ASIC2: variants seen among roughly 807,000 people sequenced by gnomAD.
ASIC2 encodes acid-sensing ion channel 2.
In ASIC2, 25 loss-of-function variants were observed where a neutral mutation model predicts 57.3. The observed-to-expected ratio is 0.44, with a 90% CI of 0.32 to 0.61. The LOEUF (loss-of-function observed/expected upper bound fraction) is 0.61, where lower values mean the gene tolerates loss of function less well. Ranked by LOEUF, ASIC2 falls within the 20% of genes least tolerant of loss-of-function variation. The pLI is 0.06. For missense variants in ASIC2, 641 were observed against 738.1 expected (o/e 0.87, Z 1.52); for synonymous variants, 319 against 307.5 (o/e 1.04, Z -0.39).
chr17:33,376,201 G>A (rs777637299), intron 1 of ASIC2, among the ~76,000 whole-genome samples: 1 of 152,044 alleles, frequency 6.6e-6, no homozygotes, highest in Admixed American at 6.5e-5. Flanking sequence ...GATTGAGAAG[G>A]AGTGGCCAGT....
intron 1 of ASIC2, among the ~76,000 whole-genome samples, chr17:34,063,734 C>T (rs1466073686): frequency 1.3e-5 from 2 of 151,694 alleles, no homozygotes; most frequent in Admixed American, 6.6e-5. Context: ...AGCAACCAAG[C>T]AGAGAACCAA....
intron 1 of ASIC2, among the ~76,000 whole-genome samples, chr17:33,576,298 C>G (rs757450254): frequency 8.4e-4 from 128 of 152,264 alleles, no homozygotes; most frequent in African/African-American, 3.0e-3. Flanking sequence ...AGTTCAAATC[C>G]TGTTTCTAGC....
At chr17:33,574,505 G>C (rs181643025) in intron 1 of ASIC2, among the ~76,000 whole-genome samples, 53 of 152,232 alleles carry the variant, frequency 3.5e-4, no homozygotes, top group Admixed American at 3.3e-3. Flanking sequence ...TGCTGTGATT[G>C]AAGGATCTTA....
At chr17:33,275,662 T>A (rs1004519493) in intron 1 of ASIC2, among the ~76,000 whole-genome samples, 2 of 152,180 alleles carry the variant, frequency 1.3e-5, no homozygotes, top group African/African-American at 4.8e-5. Context: ...AAATGGAGAA[T>A]GGACGTGAAA....
chr17:33,361,881 A>G (rs1045288857), intron 1 of ASIC2, among the ~76,000 whole-genome samples: 2 of 152,180 alleles, frequency 1.3e-5, no homozygotes, highest in Non-Finnish European at 2.9e-5. Flanking sequence ...TGTATCTGGC[A>G]TCTCCAGTGG....
chr17:33,801,173 G>T (rs1013341256), intron 1 of ASIC2, among the ~76,000 whole-genome samples: 14 of 152,176 alleles, frequency 9.2e-5, no homozygotes, highest in African/African-American at 3.1e-4. Flanking sequence ...CACCTCTGGT[G>T]AAGAAAGGAA....
intron 1 of ASIC2, among the ~76,000 whole-genome samples, chr17:33,901,238 C>T (rs989867012): frequency 6.6e-6 from 1 of 152,168 alleles, no homozygotes; most frequent in African/African-American, 2.4e-5. Context: ...TATTATCACT[C>T]CCTCCTAACT....
chr17:33,291,363 G>T (rs1377826822), intron 1 of ASIC2, 45 bp downstream of exon 1: 1 of 1,554,082 alleles, frequency 6.4e-7, no homozygotes, highest in Non-Finnish European at 8.7e-7. Context: ...TGACTGCCGG[G>T]GAGTGGGGCG....
intron 1 of ASIC2, among the ~76,000 whole-genome samples, chr17:33,689,502 C>T (rs1455606258): frequency 6.6e-6 from 1 of 152,204 alleles, no homozygotes; most frequent in Non-Finnish European, 1.5e-5. Flanking sequence ...ATCCCTCTTT[C>T]CTCTATCCTT....
chr17:33,766,210 TTTA>T lies in ASIC2; in HGVS notation c.555+389765_555+389767del, dbSNP rs536570987. ...CAGTATATTGTTATAGTTGTTCTGT[TTTA>T]TTATTAATTGTTAATCTCTTACTGT... On this transcript the variant is annotated intron_variant, in intron 1 of 9. Transcript: ENST00000359872. Among the ~76,000 whole-genome samples the T allele has an allele frequency of 2.0e-5, 3 of 152,334 alleles. No individual in the cohort carries two copies. The East Asian group carries it at 5.8e-4, about 29-fold the overall frequency.
At chr17:33,050,853 G>T (rs2091972393) in intron 3 of ASIC2, among the ~76,000 whole-genome samples, 1 of 152,126 alleles carries the variant, frequency 6.6e-6, no homozygotes, top group Non-Finnish European at 1.5e-5. Context: ...GGGAAGGTTG[G>T]ACTGACACCC....
chr17:33,261,257 G>C (rs1909269486), intron 1 of ASIC2, among the ~76,000 whole-genome samples: 1 of 152,130 alleles, frequency 6.6e-6, no homozygotes, highest in Non-Finnish European at 1.5e-5. Context: ...AGCAAGATGG[G>C]ACACTCACAA....
intron 1 of ASIC2, among the ~76,000 whole-genome samples, chr17:33,605,606 C>CT (rs147262860): frequency 0.027 from 4,169 of 152,054 alleles, 186 homozygotes; most frequent in African/African-American, 0.093. Flanking sequence ...TGAAAGCTAC[C>CT]TTTTTAAAAA....
intron 1 of ASIC2, among the ~76,000 whole-genome samples, chr17:33,301,737 G>A (rs1178838267): frequency 1.3e-5 from 2 of 152,184 alleles, no homozygotes; most frequent in Non-Finnish European, 2.9e-5. Context: ...TCAGGGATGA[G>A]CACAGCATGC....
At chr17:33,150,313 C>T (rs1320870285) in intron 1 of ASIC2, among the ~76,000 whole-genome samples, 2 of 152,194 alleles carry the variant, frequency 1.3e-5, no homozygotes, top group Non-Finnish European at 1.5e-5. Flanking sequence ...CTGCCCAGTA[C>T]AGGTGCACAT....
intron 1 of ASIC2, among the ~76,000 whole-genome samples, chr17:33,716,673 C>G (rs1909231680): frequency 6.6e-6 from 1 of 152,074 alleles, no homozygotes; most frequent in South Asian, 2.1e-4. Flanking sequence ...CTCTATATGT[C>G]TGTTTGAATA....
intron 1 of ASIC2, among the ~76,000 whole-genome samples, chr17:33,392,174 C>T (rs1049007398): frequency 2.0e-4 from 4 of 20,208 alleles, no homozygotes; most frequent in East Asian, 1.1e-3. Flanking sequence ...TTCCTTTCTT[C>T]CTTCCTTCCT....
At chr17:33,743,328 C>A (rs1383610055) in intron 1 of ASIC2, among the ~76,000 whole-genome samples, 1 of 152,210 alleles carries the variant, frequency 6.6e-6, no homozygotes, top group East Asian at 1.9e-4. Flanking sequence ...TATCTTCCAC[C>A]CACTACCCAG....
intron 1 of ASIC2, among the ~76,000 whole-genome samples, chr17:33,703,321 C>CTT (rs1555553181): frequency 8.4e-5 from 12 of 143,596 alleles, no homozygotes; most frequent in African/African-American, 2.9e-4. Flanking sequence ...GTTTCTTTTT[C>CTT]TTTTTTTTTT....
Sources: allele counts gnomAD v4.1 joint callset (sites outside exome capture counted in the v4.1 genomes callset), GRCh38; gene constraint gnomAD v4.1.1; transcripts MANE v1.5; gene names NCBI Gene and HGNC (gene_info 2026-07-23, HGNC 2026-07-21).